Variants in PIK3CB observed in about 807,000 individuals in gnomAD.
The protein encoded by PIK3CB is phosphatidylinositol-4,5-bisphosphate 3-kinase catalytic subunit beta, also known as phosphatidylinositol 4,5-bisphosphate 3-kinase catalytic subunit beta isoform.
A neutral mutation model predicts 136.8 loss-of-function variants in PIK3CB; 39 were observed. That is an observed-to-expected ratio of 0.29 (90% confidence interval 0.22 to 0.37). PIK3CB has a LOEUF of 0.37. PIK3CB is among the 10% of genes least tolerant of loss of function. PIK3CB has a pLI of 1.00. For missense variants in PIK3CB, 868 were observed against 1,275.4 expected (o/e 0.68, Z 4.87); for synonymous variants, 428 against 436.6 (o/e 0.98, Z 0.25).
At chr3:138,743,498 A>G (rs1559856185) in intron 4 of PIK3CB, among the ~76,000 whole-genome samples, 2 of 152,302 alleles carry the variant, frequency 1.3e-5, no homozygotes, top group African/African-American at 2.4e-5. Context: ...TTGATTCTCA[A>G]ACAACATGGT....
chr3:138,790,662 A>T lies in PIK3CB; in HGVS notation c.-17+5801T>A, dbSNP rs1381855052. ...TACTAAAAATACAAAAAAAAAAAAA[A>T]AATTAACTGGGCGTGGTGGCGGGTG... On this transcript the variant is annotated intron_variant, in intron 2 of 23. Coordinates refer to ENST00000674063, the MANE Select transcript of PIK3CB (RefSeq NM_006219.3). Among the ~76,000 whole-genome samples the T allele has an allele frequency of 2.0e-5, 3 of 151,468 alleles. No homozygotes were observed. The East Asian group carries it at 5.8e-4, about 29-fold the overall frequency.
intron 6 of PIK3CB, among the ~76,000 whole-genome samples, chr3:138,735,515 G>A (rs1412542933): frequency 1.3e-5 from 2 of 152,080 alleles, no homozygotes; most frequent in African/African-American, 2.4e-5. Context: ...TACGTGGTTC[G>A]CATGTGGCAG....
At chr3:138,739,961 G>A (rs779233404) in intron 5 of PIK3CB, among the ~76,000 whole-genome samples, 1 of 151,732 alleles carries the variant, frequency 6.6e-6, no homozygotes, top group Non-Finnish European at 1.5e-5. Context: ...CTTCTGCTAC[G>A]TAAGGACATA....
chr3:138,823,581 T>C (rs1933655532), intron 1 of PIK3CB, among the ~76,000 whole-genome samples: 3 of 152,072 alleles, frequency 2.0e-5, no homozygotes, highest in Non-Finnish European at 4.4e-5. Context: ...CGCATGCCTG[T>C]AATGCCAGCT....
chr3:138,830,252 A>G (rs1425001228), intron 1 of PIK3CB, among the ~76,000 whole-genome samples: 1 of 152,148 alleles, frequency 6.6e-6, no homozygotes, highest in Non-Finnish European at 1.5e-5. Flanking sequence ...GCCAAATTCT[A>G]TAAATAAAAA....
At chr3:138,687,815 A>G (rs563957414) in intron 16 of PIK3CB, among the ~76,000 whole-genome samples, 2 of 152,300 alleles carry the variant, frequency 1.3e-5, no homozygotes, top group African/African-American at 4.8e-5. Context: ...GGGGAGATGT[A>G]GGAAGGGAAA....
rs1381701799 is a variant in PIK3CB at position 138,722,693 on chromosome 3, C to CAA, written c.1051-7976_1051-7975dup. On this transcript the variant is annotated intron_variant, in intron 8 of 23. Coordinates refer to ENST00000674063, the MANE Select transcript of PIK3CB (RefSeq NM_006219.3). ...TTAGGGATGAGCTGCTATAAAAGCT[C>CAA]AAAAAAAAAAAACCCAAAAAACCCT... 5.0e-3 allele frequency among the ~76,000 whole-genome samples: 518 copies of CAA among 103,724 alleles called. 1 individual carries two copies. Among genetic ancestry groups the CAA allele is most frequent in the African/African-American group, 0.016 (492 of 30,234 alleles). The allele number at this position is 103,724 out of a possible 152,430, so 68.0% of individuals were successfully genotyped here.
At chr3:138,743,677 C>T (rs2045289360) in intron 4 of PIK3CB, among the ~76,000 whole-genome samples, 1 of 152,152 alleles carries the variant, frequency 6.6e-6, no homozygotes, top group Non-Finnish European at 1.5e-5. Context: ...ATCCTCCCAC[C>T]TCAGCCTCCC....
chr3:138,729,815 TTA>T (rs1401475006), intron 8 of PIK3CB, among the ~76,000 whole-genome samples: 1 of 152,224 alleles, frequency 6.6e-6, no homozygotes, highest in Non-Finnish European at 1.5e-5. Flanking sequence ...TTTTGCTTAT[TTA>T]TATGTGATAA....
intron 14 of PIK3CB, among the ~76,000 whole-genome samples, chr3:138,691,603 G>A (rs1293917113): frequency 6.6e-6 from 1 of 152,122 alleles, no homozygotes; most frequent in Non-Finnish European, 1.5e-5. Context: ...CTGCCACCTT[G>A]TGAAGATGGT....
intron 19 of PIK3CB, among the ~76,000 whole-genome samples, chr3:138,677,337 C>T (rs1016526965): frequency 5.3e-5 from 8 of 152,042 alleles, no homozygotes; most frequent in East Asian, 1.9e-4. Context: ...GGGTTACAGG[C>T]GTGAGCCACC....
At chr3:138,788,446 CAGGAGTTGAAG>C (rs2046006323) in intron 2 of PIK3CB, among the ~76,000 whole-genome samples, 1 of 151,158 alleles carries the variant, frequency 6.6e-6, no homozygotes, top group Non-Finnish European at 1.5e-5. Context: ...CACCTGAGGT[CAGGAGTTGAAG>C]ACCAGCCTGA....
At chr3:138,763,641 C>A (rs750132719) in intron 2 of PIK3CB, among the ~76,000 whole-genome samples, 39 of 152,178 alleles carry the variant, frequency 2.6e-4, no homozygotes, top group Non-Finnish European at 5.3e-4. Context: ...TGGGATCTCA[C>A]CCTTACCAGA....
In PIK3CB at chr3:138,718,906, C is replaced by A. The variant is rs1449034605; in HGVS notation, c.1051-4187G>T. Among the ~76,000 whole-genome samples, 6 of 152,026 alleles carry A rather than the reference C, an allele frequency of 3.9e-5. No homozygotes were observed. The East Asian group carries it at 9.6e-4, about 24-fold the overall frequency. ...TTATTCTGTTCCATTGGTCTATATG[C>A]CTATTTTTGTATTAGATATGATTTT... On this transcript the variant is annotated intron_variant, in intron 8 of 23. Coordinates refer to ENST00000674063, the MANE Select transcript of PIK3CB (RefSeq NM_006219.3).
intron 1 of PIK3CB, among the ~76,000 whole-genome samples, chr3:138,801,806 T>C (rs534227392): frequency 1.5e-5 from 2 of 131,894 alleles, no homozygotes. Context: ...GAGGTTGCAG[T>C]GAGCAGAGAT....
At chr3:138,715,293 G>A (rs2044584748) in intron 8 of PIK3CB, among the ~76,000 whole-genome samples, 1 of 152,210 alleles carries the variant, frequency 6.6e-6, no homozygotes. Context: ...CCAGAGTGAT[G>A]CAGGGCATGC....
At chr3:138,815,931 C>A (rs910667616) in intron 1 of PIK3CB, among the ~76,000 whole-genome samples, 3 of 152,168 alleles carry the variant, frequency 2.0e-5, no homozygotes, top group Non-Finnish European at 4.4e-5. Context: ...AGCAACTGCT[C>A]CTCTTTTTAG....
In PIK3CB at chr3:138,785,233, A is replaced by T. The variant is rs377286460; in HGVS notation, c.-17+11230T>A. ...CGGCCAGCCGCCCTGTCCCGGAGGG[A>T]GGCGGGGGGAAGCTCCCGCCCGGCA... On this transcript the variant is annotated intron_variant, in intron 2 of 23. Transcript: ENST00000674063. 3.4e-5 allele frequency among the ~76,000 whole-genome samples: 5 copies of T among 147,262 alleles called. No individual in the cohort carries two copies. The East Asian group carries it at 1.0e-3, about 31-fold the overall frequency.
At chr3:138,724,417 G>T (rs184745136) in intron 8 of PIK3CB, among the ~76,000 whole-genome samples, 32 of 152,290 alleles carry the variant, frequency 2.1e-4, no homozygotes, top group Admixed American at 7.8e-4. Context: ...CACTAACCCA[G>T]AAGTCCTGCA....
Sources: allele counts gnomAD v4.1 joint callset (sites outside exome capture counted in the v4.1 genomes callset), GRCh38; gene constraint gnomAD v4.1.1; transcripts MANE v1.5; gene names NCBI Gene and HGNC (gene_info 2026-07-23, HGNC 2026-07-21).